MALRD1: variants seen among roughly 807,000 people sequenced by gnomAD.
The protein encoded by MALRD1 is MAM and LDL receptor class A domain containing 1.
A neutral mutation model predicts 242.1 loss-of-function variants in MALRD1; 247 were observed. The observed-to-expected ratio is 1.02, with a 90% CI of 0.92 to 1.13. The LOEUF (loss-of-function observed/expected upper bound fraction) is 1.13, where lower values mean the gene tolerates loss of function less well. Among genes scored for constraint, MALRD1 ranks in the 50% most tolerant of loss-of-function variants. The pLI, the probability that MALRD1 is intolerant of heterozygous loss-of-function variation, is 0.00. For missense variants in MALRD1, 2,989 were observed against 2,533.1 expected, an observed-to-expected ratio of 1.18 and a Z score of -3.86; for synonymous variants, 995 against 866.6, an observed-to-expected ratio of 1.15 and a Z score of -2.60.
intron 29 of MALRD1, among the ~76,000 whole-genome samples, chr10:19,490,255 A>G (rs1199792182): frequency 6.6e-6 from 1 of 151,780 alleles, no homozygotes; most frequent in Admixed American, 6.6e-5. Context: ...AAAATGTTTG[A>G]TTTTTCTATC....
chr10:19,160,163 G>A (rs949165725), intron 12 of MALRD1, among the ~76,000 whole-genome samples: 8 of 152,106 alleles, frequency 5.3e-5, no homozygotes, highest in Admixed American at 1.3e-4. Context: ...GCAGGCATGC[G>A]TCAAGAAAAT....
At position 19,175,206 on chromosome 10, in the gene MALRD1, A is replaced by G. The variant is rs1835178881; in HGVS notation, c.1831-2A>G. ...AACAGTTTTATCTTTCTGTAATTATAGTTAATTTTGGAAGCTACTGTTTTG... is the reference window on the plus strand; with the variant it reads ...AACAGTTTTATCTTTCTGTAATTATGGTTAATTTTGGAAGCTACTGTTTTG... On this transcript the variant is annotated splice_acceptor_variant, in intron 13 of 39. Transcript: ENST00000454679. LOFTEE classifies it high-confidence loss of function. The G allele has an allele frequency of 8.1e-7, 1 of 1,228,300 alleles. No individual in the cohort carries two copies. The highest frequency in any genetic ancestry group is 1.6e-5 in the African/African-American group (1 of 64,308). 76.1% of individuals were successfully genotyped at this position (1,228,300 alleles called of 1,614,324 possible).
intron 32 of MALRD1, among the ~76,000 whole-genome samples, chr10:19,566,860 T>C (rs2131459866): frequency 6.6e-6 from 1 of 152,132 alleles, no homozygotes; most frequent in East Asian, 1.9e-4. Flanking sequence ...CACTAGAAAA[T>C]GCCATATGTT....
intron 5 of MALRD1, among the ~76,000 whole-genome samples, chr10:19,109,043 A>G (rs944228693): frequency 6.6e-6 from 1 of 152,120 alleles, no homozygotes; most frequent in Non-Finnish European, 1.5e-5. Flanking sequence ...GCTTTAGAGT[A>G]TTGGTTAGGT....
chr10:19,501,658 AAGG>A (rs1251059986), intron 31 of MALRD1, among the ~76,000 whole-genome samples: 4 of 152,204 alleles, frequency 2.6e-5, no homozygotes, highest in Non-Finnish European at 4.4e-5. Context: ...GATAGGATAA[AAGG>A]ATACATACTT....
In MALRD1 at chr10:19,220,370, A is replaced by G. The variant is rs146824573; in HGVS notation, c.2991+10690A>G. The stretch of plus-strand genomic sequence containing the variant: ...AGAGAGAGAATGCACACTTTATTGC[A>G]CTATTAAAGCAAAATTCTGACAATA... On this transcript the variant is annotated intron_variant, in intron 18 of 39. Coordinates refer to ENST00000454679, the MANE Select transcript of MALRD1 (RefSeq NM_001142308.3). Among the ~76,000 whole-genome samples, 1,034 of 152,300 alleles carry G rather than the reference A, an allele frequency of 6.8e-3. 7 individuals carry two copies. The highest frequency in any genetic ancestry group is 9.4e-3 in the Non-Finnish European group (638 of 68,016).
chr10:19,265,634 A>T (rs972519109), intron 19 of MALRD1, among the ~76,000 whole-genome samples: 4 of 152,046 alleles, frequency 2.6e-5, no homozygotes, highest in African/African-American at 9.7e-5. Context: ...TGTTTTGTGG[A>T]CTAACATATT....
intron 29 of MALRD1, among the ~76,000 whole-genome samples, chr10:19,477,170 C>T (rs1321096033): frequency 1.3e-5 from 2 of 151,986 alleles, no homozygotes; most frequent in Non-Finnish European, 2.9e-5. Flanking sequence ...TTATATTTTA[C>T]CTCATAAAAG....
chr10:19,544,015 T>C (rs1043639792), intron 32 of MALRD1, among the ~76,000 whole-genome samples: 1 of 152,186 alleles, frequency 6.6e-6, no homozygotes, highest in Non-Finnish European at 1.5e-5. Context: ...ACTATATGGC[T>C]GAATTGTGTT....
At chr10:19,099,039 T>C (rs956728410) in intron 4 of MALRD1, among the ~76,000 whole-genome samples, 4 of 152,162 alleles carry the variant, frequency 2.6e-5, no homozygotes, top group African/African-American at 9.7e-5. Flanking sequence ...GCAAATGGGT[T>C]CTCTAACTGG....
At chr10:19,126,401 T>TTTTG (rs1837284227) in intron 7 of MALRD1, among the ~76,000 whole-genome samples, 2 of 152,120 alleles carry the variant, frequency 1.3e-5, no homozygotes, top group Non-Finnish European at 2.9e-5. Flanking sequence ...ATTTTCTATA[T>TTTTG]AATTTACTCT....
chr10:19,248,548 T>G (rs1839164966), intron 18 of MALRD1, among the ~76,000 whole-genome samples: 3 of 152,032 alleles, frequency 2.0e-5, no homozygotes, highest in Non-Finnish European at 4.4e-5. Context: ...TATAGCTTCC[T>G]CTGTCATTTG....
At chr10:19,350,279 T>C (rs1334156698) in intron 25 of MALRD1, among the ~76,000 whole-genome samples, 1 of 148,136 alleles carries the variant, frequency 6.8e-6, no homozygotes, top group Admixed American at 6.7e-5. Context: ...TTCTTTTTTT[T>C]TTTTTTTTTG....
At chr10:19,065,230 T>G (rs933390686) in intron 1 of MALRD1, among the ~76,000 whole-genome samples, 2 of 130,206 alleles carry the variant, frequency 1.5e-5, no homozygotes, top group Non-Finnish European at 3.1e-5. Flanking sequence ...GAGGTTGTGG[T>G]GAGCCAAGAT....
chr10:19,420,544 C>A (rs1179934039), intron 28 of MALRD1, among the ~76,000 whole-genome samples: 2 of 151,918 alleles, frequency 1.3e-5, no homozygotes, highest in Admixed American at 1.3e-4. Context: ...AAAGTCATGT[C>A]TATATTTAAC....
chr10:19,168,899 A>G (rs1327194890), intron 13 of MALRD1, among the ~76,000 whole-genome samples: 1 of 152,068 alleles, frequency 6.6e-6, no homozygotes, highest in Non-Finnish European at 1.5e-5. Context: ...GTGCCTCCCC[A>G]CTTAATCTGC....
At chr10:19,656,673 A>G (rs1477281286) in intron 36 of MALRD1, among the ~76,000 whole-genome samples, 1 of 152,078 alleles carries the variant, frequency 6.6e-6, no homozygotes, top group Non-Finnish European at 1.5e-5. Flanking sequence ...AATAGATACA[A>G]ATTTGGCATT....
At chr10:19,174,447 G>C (rs1171168699) in intron 13 of MALRD1, among the ~76,000 whole-genome samples, 2 of 152,096 alleles carry the variant, frequency 1.3e-5, no homozygotes, top group East Asian at 3.9e-4. Context: ...TCCTTGACAG[G>C]ATAGAAATGT....
At chr10:19,098,813 C>T (rs182501901) in intron 4 of MALRD1, among the ~76,000 whole-genome samples, 144 of 152,176 alleles carry the variant, frequency 9.5e-4, no homozygotes, top group Middle Eastern at 6.8e-3. Flanking sequence ...CTCTCTCCTG[C>T]AGAGAGAGGG....
Sources: allele counts gnomAD v4.1 joint callset (sites outside exome capture counted in the v4.1 genomes callset), GRCh38; gene constraint gnomAD v4.1.1; transcripts MANE v1.5; gene names NCBI Gene and HGNC (gene_info 2026-07-23, HGNC 2026-07-21).